The following SORCS3 variants were observed in gnomAD, a reference collection of about 807,000 sequenced individuals.
The protein encoded by SORCS3 is VPS10 domain-containing receptor SorCS3.
SORCS3 carries 57 observed loss-of-function variants against 146.3 expected under a neutral mutation model. The observed-to-expected ratio is 0.39, with a 90% CI of 0.31 to 0.49. The LOEUF (loss-of-function observed/expected upper bound fraction) is 0.49, where lower values mean the gene tolerates loss of function less well. Ranked by LOEUF, SORCS3 falls within the 20% of genes least tolerant of loss-of-function variation. SORCS3 has a pLI of 0.92. For missense variants in SORCS3, 1,341 were observed against 1,575.5 expected (o/e 0.85, Z 2.52); for synonymous variants, 653 against 618.5 (o/e 1.06, Z -0.83).
At chr10:105,068,878 C>G (rs928671282) in intron 5 of SORCS3, among the ~76,000 whole-genome samples, 3 of 152,104 alleles carry the variant, frequency 2.0e-5, no homozygotes, top group Admixed American at 6.5e-5. Flanking sequence ...TAGTAAGATG[C>G]CTTTATAGAT....
intron 14 of SORCS3, among the ~76,000 whole-genome samples, chr10:105,185,772 C>T (rs1389115854): frequency 6.6e-6 from 1 of 152,110 alleles, no homozygotes; most frequent in African/African-American, 2.4e-5. Context: ...CCATCTCAGA[C>T]TTATTATCCT....
chr10:105,153,035 T>G (rs910175037), intron 9 of SORCS3, among the ~76,000 whole-genome samples: 2 of 152,206 alleles, frequency 1.3e-5, no homozygotes, highest in Admixed American at 1.3e-4. Context: ...CATTCTGGTG[T>G]GTAAATTGTG....
intron 6 of SORCS3, among the ~76,000 whole-genome samples, chr10:105,094,502 A>G (rs959688522): frequency 1.3e-5 from 2 of 152,156 alleles, no homozygotes; most frequent in Non-Finnish European, 1.5e-5. Flanking sequence ...TACCCAATCA[A>G]CATCTACTTA....
chr10:104,665,535 G>T (rs1286538073), intron 1 of SORCS3: 2 of 152,218 alleles, frequency 1.3e-5, no homozygotes, highest in Non-Finnish European at 2.9e-5. Flanking sequence ...CCCTGACCAA[G>T]CCTTTCCAAG....
intron 22 of SORCS3, among the ~76,000 whole-genome samples, chr10:105,249,528 G>A (rs1255874265): frequency 6.6e-6 from 1 of 152,116 alleles, no homozygotes; most frequent in Non-Finnish European, 1.5e-5. Flanking sequence ...GCTGTATGGA[G>A]CGGTCTGTAA....
intron 25 of SORCS3, among the ~76,000 whole-genome samples, chr10:105,258,270 C>A (rs1267911975): frequency 1.3e-5 from 2 of 152,126 alleles, no homozygotes; most frequent in African/African-American, 4.8e-5. Context: ...ATGTGTTAAC[C>A]CACATACCCC....
intron 4 of SORCS3, among the ~76,000 whole-genome samples, chr10:105,023,655 A>G (rs1345279711): frequency 6.6e-6 from 1 of 152,128 alleles, no homozygotes; most frequent in Non-Finnish European, 1.5e-5. Flanking sequence ...TGCAAAGAGT[A>G]AGAGAAATTG....
intron 9 of SORCS3, among the ~76,000 whole-genome samples, chr10:105,152,797 A>G (rs1038843361): frequency 6.6e-6 from 1 of 152,194 alleles, no homozygotes; most frequent in African/African-American, 2.4e-5. Flanking sequence ...ATCTCTCACA[A>G]TATCACATTC....
chr10:104,894,818 G>A (rs1178495933), intron 2 of SORCS3, among the ~76,000 whole-genome samples: 15 of 152,136 alleles, frequency 9.9e-5, no homozygotes, highest in Admixed American at 9.8e-4. Context: ...GGTAGGTGCA[G>A]GAGAATGATG....
intron 1 of SORCS3, among the ~76,000 whole-genome samples, chr10:104,805,138 A>G (rs1023046674): frequency 6.6e-6 from 1 of 152,210 alleles, no homozygotes. Flanking sequence ...CCTGCACTTC[A>G]GTTGCTTACC....
intron 1 of SORCS3, among the ~76,000 whole-genome samples, chr10:104,726,114 G>T (rs1419349015): frequency 6.6e-6 from 1 of 152,170 alleles, no homozygotes; most frequent in Admixed American, 6.5e-5. Flanking sequence ...GGCCATCTTT[G>T]ATCCACCCCA....
chr10:105,036,733 G>A (rs1289048027), intron 4 of SORCS3, among the ~76,000 whole-genome samples: 1 of 152,162 alleles, frequency 6.6e-6, no homozygotes, highest in Non-Finnish European at 1.5e-5. Flanking sequence ...CACAAACTAA[G>A]GGATTCTCCC....
intron 2 of SORCS3, among the ~76,000 whole-genome samples, chr10:104,911,540 G>A (rs887897550): frequency 5.3e-5 from 8 of 152,228 alleles, no homozygotes; most frequent in African/African-American, 1.9e-4. Context: ...CATCAGTCCT[G>A]CAGGGATCCC....
chr10:105,022,560 A>G lies in SORCS3; in HGVS notation c.955-20495A>G, dbSNP rs373795198. Among the ~76,000 whole-genome samples the G allele has an allele frequency of 1.8e-4, 27 of 152,086 alleles. No homozygotes were observed. In the East Asian group the frequency reaches 3.1e-3, roughly 17 times the overall value. On this transcript the variant is annotated intron_variant, in intron 4 of 26. Coordinates refer to ENST00000369701, the MANE Select transcript of SORCS3 (RefSeq NM_014978.3). ...TCAGGTACTTTCCACTCATTTTTCT[A>G]TGAGCCTAAAATGTCTCCAAAAATA... is the stretch of plus-strand genomic sequence containing the variant.
intron 4 of SORCS3, among the ~76,000 whole-genome samples, chr10:105,016,832 CT>C (rs1437926387): frequency 2.3e-4 from 35 of 152,024 alleles, no homozygotes; most frequent in African/African-American, 8.2e-4. Flanking sequence ...GAGGGCTGGC[CT>C]ACTCAAAACT....
intron 5 of SORCS3, among the ~76,000 whole-genome samples, chr10:105,049,481 T>C (rs73340277): frequency 0.046 from 7,031 of 152,044 alleles, 186 homozygotes; most frequent in Middle Eastern, 0.075. Context: ...CCCTCACCCA[T>C]CCCAGAAATT....
chr10:104,948,255 G>C (rs1347825517), intron 3 of SORCS3, among the ~76,000 whole-genome samples: 1 of 152,130 alleles, frequency 6.6e-6, no homozygotes, highest in Non-Finnish European at 1.5e-5. Flanking sequence ...GTCTGTCCAC[G>C]GGGTTATGCT....
intron 3 of SORCS3, among the ~76,000 whole-genome samples, chr10:104,972,959 G>C (rs2054870031): frequency 6.6e-6 from 1 of 152,116 alleles, no homozygotes; most frequent in Non-Finnish European, 1.5e-5. Context: ...TAATCATGTG[G>C]TTTTTGTCTT....
intron 3 of SORCS3, among the ~76,000 whole-genome samples, chr10:104,973,727 C>A (rs2054876219): frequency 6.7e-6 from 1 of 149,022 alleles, no homozygotes; most frequent in Non-Finnish European, 1.5e-5. Flanking sequence ...TTATTTCTTG[C>A]CTTCTGCTAG....
Sources: allele counts gnomAD v4.1 joint callset (sites outside exome capture counted in the v4.1 genomes callset), GRCh38; gene constraint gnomAD v4.1.1; transcripts MANE v1.5; gene names NCBI Gene and HGNC (gene_info 2026-07-23, HGNC 2026-07-21).